Variants in DAPK2 observed in about 807,000 individuals in gnomAD.
The protein encoded by DAPK2 is death associated protein kinase 2, also known as death-associated protein kinase 2.
In DAPK2, 35 loss-of-function variants were observed where a neutral mutation model predicts 44.1. The observed-to-expected ratio is 0.79, with a 90% CI of 0.61 to 1.05. The LOEUF is 1.05. Among genes scored for constraint, DAPK2 ranks in the 50% least tolerant of loss-of-function variants. The pLI is 0.00. For missense variants in DAPK2, 453 were observed against 483.2 expected (o/e 0.94, Z 0.59); for synonymous variants, 174 against 182.6 (o/e 0.95, Z 0.38).
At chr15:63,999,472 GTTCA>G (rs1389212521) in intron 1 of DAPK2, among the ~76,000 whole-genome samples, 1 of 152,194 alleles carries the variant, frequency 6.6e-6, no homozygotes, top group Admixed American at 6.5e-5. Context: ...TCACAAAGCA[GTTCA>G]GTCACACAGC....
chr15:64,005,574 C>T (rs139446370), intron 1 of DAPK2, among the ~76,000 whole-genome samples: 4,472 of 152,136 alleles, frequency 0.029, 93 homozygotes, highest in South Asian at 0.064. Context: ...CCAATCTGCC[C>T]AGAGTCCCTC....
chr15:64,003,863 C>T (rs75631501), intron 1 of DAPK2, among the ~76,000 whole-genome samples: 5,978 of 152,324 alleles, frequency 0.039, 402 homozygotes, highest in African/African-American at 0.14. Flanking sequence ...CCTCAGCCTC[C>T]CAAAGTGCTG....
intron 4 of DAPK2, among the ~76,000 whole-genome samples, chr15:63,938,731 G>A (rs10744961): frequency 0.52 from 79,154 of 152,086 alleles, 21,176 homozygotes; most frequent in East Asian, 0.92. Flanking sequence ...GAGGGAAGAG[G>A]AAGCAGCCAG....
At position 63,939,419 on chromosome 15, in the gene DAPK2, GTAAT is replaced by G. The variant is rs1391339994; in HGVS notation, c.454-62_454-59del. 4.6e-6 allele frequency: 7 copies of G among 1,529,414 alleles called. No homozygotes were observed. Among genetic ancestry groups the G allele is most frequent in the Non-Finnish European group, 5.3e-6 (6 of 1,139,466 alleles). 94.7% of individuals were successfully genotyped at this position (1,529,414 alleles called of 1,614,324 possible). ...AAGGAAGAAAAGAAAAAAAAAGACG[GTAAT>G]TAAAGGCTGGTTGGTTCGTGTTTTG... On this transcript the variant is annotated intron_variant, in intron 3 of 10. Transcript: ENST00000261891. This position sits in a 1 kb window ranked among gnomAD's most constrained non-coding sequence, Gnocchi z 4.3.
At chr15:64,002,093 G>A (rs556701524) in intron 1 of DAPK2, among the ~76,000 whole-genome samples, 2 of 152,270 alleles carry the variant, frequency 1.3e-5, no homozygotes, top group South Asian at 4.1e-4. Context: ...AAATCCTTGG[G>A]AGGCTCATGG....
intron 4 of DAPK2, among the ~76,000 whole-genome samples, chr15:63,936,472 G>A (rs535383070): frequency 5.3e-5 from 8 of 152,216 alleles, no homozygotes; most frequent in African/African-American, 1.7e-4. Flanking sequence ...TTAGCCAGAC[G>A]TGGTGGTGGG....
At chr15:63,911,623 G>A (rs978780731) in intron 10 of DAPK2, 9 of 457,532 alleles carry the variant, frequency 2.0e-5, no homozygotes, top group African/African-American at 7.8e-5. Context: ...GTGGTCAGCC[G>A]GCAGCAGCGG....
chr15:63,988,009 TG>T (rs1205381811), intron 1 of DAPK2, among the ~76,000 whole-genome samples: 1 of 152,176 alleles, frequency 6.6e-6, no homozygotes, highest in Non-Finnish European at 1.5e-5. Flanking sequence ...GGGAACTCTG[TG>T]CCTGAGACTG....
chr15:63,974,449 A>C (rs2078292636), intron 2 of DAPK2, among the ~76,000 whole-genome samples: 1 of 152,208 alleles, frequency 6.6e-6, no homozygotes, highest in Non-Finnish European at 1.5e-5. Context: ...AACAACTTGA[A>C]GGTGAGGATA....
intron 3 of DAPK2, among the ~76,000 whole-genome samples, chr15:63,963,455 C>T (rs2140658620): frequency 6.6e-6 from 1 of 152,314 alleles, no homozygotes; most frequent in African/African-American, 2.4e-5. Flanking sequence ...TCCTATTCGG[C>T]CATCTTGGAA....
chr15:63,931,663 A>G (rs2140382802), intron 4 of DAPK2, among the ~76,000 whole-genome samples: 1 of 152,220 alleles, frequency 6.6e-6, no homozygotes, highest in African/African-American at 2.4e-5. Flanking sequence ...GCTCCAGGGG[A>G]GTGGTCCAGA....
At chr15:64,026,542 C>A (rs188488052) in intron 1 of DAPK2, among the ~76,000 whole-genome samples, 1 of 152,262 alleles carries the variant, frequency 6.6e-6, no homozygotes, top group East Asian at 1.9e-4. Context: ...CAGCACCCAG[C>A]CTGATAGGGT....
intron 3 of DAPK2, among the ~76,000 whole-genome samples, chr15:63,948,855 G>A (rs1053158748): frequency 1.3e-5 from 2 of 152,134 alleles, no homozygotes; most frequent in Admixed American, 1.3e-4. Flanking sequence ...TCTTGCTTCT[G>A]ACCCCTGTAA....
chr15:63,931,662 G>A (rs1195785121), intron 4 of DAPK2, among the ~76,000 whole-genome samples: 1 of 152,202 alleles, frequency 6.6e-6, no homozygotes, highest in South Asian at 2.1e-4. Flanking sequence ...GGCTCCAGGG[G>A]AGTGGTCCAG....
chr15:63,922,381 G>C (rs1289188642), intron 8 of DAPK2: 6 of 1,050,574 alleles, frequency 5.7e-6, no homozygotes, highest in Non-Finnish European at 5.8e-6. Context: ...AAGGTATGTA[G>C]GCAGAAAGTG....
intron 1 of DAPK2, among the ~76,000 whole-genome samples, chr15:64,036,660 C>T (rs890983757): frequency 1.3e-5 from 2 of 152,030 alleles, no homozygotes; most frequent in African/African-American, 4.8e-5. Flanking sequence ...TCCATTGTTA[C>T]ATGTAACAAA....
chr15:63,941,392 C>A (rs190833379), intron 3 of DAPK2, among the ~76,000 whole-genome samples: 1 of 152,338 alleles, frequency 6.6e-6, no homozygotes, highest in African/African-American at 2.4e-5. Context: ...ATCATAGCTC[C>A]CCTACCAGAG....
intron 3 of DAPK2, among the ~76,000 whole-genome samples, chr15:63,947,252 G>C (rs1026627386): frequency 2.0e-5 from 3 of 151,886 alleles, no homozygotes; most frequent in African/African-American, 7.3e-5. Context: ...ACAGCTAGTT[G>C]TCCCCAGCTT....
intron 3 of DAPK2, among the ~76,000 whole-genome samples, chr15:63,960,169 T>C (rs28823087): frequency 0.046 from 7,076 of 152,250 alleles, 529 homozygotes; most frequent in African/African-American, 0.16. Flanking sequence ...TCTCTGATGG[T>C]AGTTTGTATT....
Sources: gnomAD v4.1 joint callset for allele counts (sites outside exome capture counted in the v4.1 genomes callset) on GRCh38, gnomAD v4.1.1 for gene constraint, Gnocchi (gnomAD v3.1) non-coding constraint, MANE v1.5 for transcripts, NCBI Gene and HGNC (gene_info 2026-07-23, HGNC 2026-07-21) for gene names.